GARRE1: variants seen among roughly 807,000 people sequenced by gnomAD.
The protein encoded by GARRE1 is granule associated Rac and RHOG effector 1.
Under a neutral mutation model 103.2 loss-of-function variants are expected in GARRE1, and 49 were observed. The ratio of observed to expected loss-of-function variants is 0.47; its 90% CI spans 0.38 to 0.60. The LOEUF (loss-of-function observed/expected upper bound fraction) is 0.60, where lower values mean the gene tolerates loss of function less well. Ranked by LOEUF, GARRE1 falls within the 20% of genes least tolerant of loss-of-function variation. The probability of loss-of-function intolerance (pLI) is 0.00; values close to 1 mark genes in which losing one functional copy is unlikely to be tolerated. For synonymous variants in GARRE1, 505 were observed against 532.8 expected, an observed-to-expected ratio of 0.95 and a Z score of 0.72; for missense variants, 1,199 against 1,370.5, an observed-to-expected ratio of 0.87 and a Z score of 1.98.
intron 1 of GARRE1, among the ~76,000 whole-genome samples, chr19:34,291,276 G>A (rs562891461): frequency 5.3e-5 from 8 of 152,166 alleles, no homozygotes; most frequent in South Asian, 2.1e-4. Context: ...CAGGAACCAC[G>A]TGCACACTTT....
chr19:34,262,346 A>T (rs965017285), intron 1 of GARRE1, among the ~76,000 whole-genome samples: 1 of 125,452 alleles, frequency 8.0e-6, no homozygotes, highest in African/African-American at 3.2e-5. Context: ...CCCAGGCTGG[A>T]ATGCAGTAGT....
At chr19:34,269,623 CA>C (rs1309236311) in intron 1 of GARRE1, among the ~76,000 whole-genome samples, 8 of 152,180 alleles carry the variant, frequency 5.3e-5, no homozygotes. Context: ...AGTGCAGTGG[CA>C]TGATCATAGC....
intron 1 of GARRE1, among the ~76,000 whole-genome samples, chr19:34,294,288 G>A (rs2073934886): frequency 6.6e-6 from 1 of 151,870 alleles, no homozygotes; most frequent in Non-Finnish European, 1.5e-5. Flanking sequence ...GGTGGGCATG[G>A]TGGTGCATGC....
chr19:34,342,745 C>G (rs1237338449), intron 10 of GARRE1, among the ~76,000 whole-genome samples: 4 of 152,110 alleles, frequency 2.6e-5, no homozygotes, highest in Non-Finnish European at 5.9e-5. Flanking sequence ...TTCAAGTAGG[C>G]TCCAGTCTAG....
intron 3 of GARRE1, among the ~76,000 whole-genome samples, chr19:34,321,223 ATTTTTTT>A (rs71165648): frequency 2.1e-3 from 160 of 77,374 alleles, no homozygotes; most frequent in East Asian, 0.013. Flanking sequence ...AGCCCGGCTA[ATTTTTTT>A]TTTTTTTTTT....
chr19:34,333,697 A>AGG lies in GARRE1; in HGVS notation c.1264-7_1264-6insGG. ...TATTTGTTTTTTTTTTTTTTTTTCG[A>AGG]TCTTAGGTGGTGGTTGACACAGCAC... On this transcript the variant is annotated splice_region_variant and splice_polypyrimidine_tract_variant and intron_variant, in intron 7 of 13. Coordinates refer to ENST00000299505, the MANE Select transcript of GARRE1 (RefSeq NM_014686.5). The AGG allele has an allele frequency of 1.4e-6, 1 of 697,448 alleles. No homozygotes were observed. Among genetic ancestry groups the AGG allele is most frequent in the Non-Finnish European group, 2.2e-6 (1 of 460,220 alleles). The allele number at this position is 697,448 out of a possible 1,614,324, so 43.2% of individuals were successfully genotyped here.
At chr19:34,278,884 C>T (rs988822382) in intron 1 of GARRE1, among the ~76,000 whole-genome samples, 1 of 152,106 alleles carries the variant, frequency 6.6e-6, no homozygotes, top group African/African-American at 2.4e-5. Flanking sequence ...GTTGCCCAGG[C>T]TAGTCTCAAA....
At chr19:34,317,005 C>G (rs1038796000) in intron 2 of GARRE1, among the ~76,000 whole-genome samples, 2 of 152,234 alleles carry the variant, frequency 1.3e-5, no homozygotes, top group Admixed American at 6.5e-5. Flanking sequence ...ACCTCATTCT[C>G]CCCAGGGGTG....
intron 1 of GARRE1, among the ~76,000 whole-genome samples, chr19:34,284,677 G>C (rs2073875756): frequency 6.6e-6 from 1 of 152,074 alleles, no homozygotes; most frequent in African/African-American, 2.4e-5. Context: ...TAACTTCTGA[G>C]GTCTTTCACA....
At chr19:34,347,851 C>A in intron 10 of GARRE1, 26 bp from the exon 11 acceptor site, 1 of 1,487,856 alleles carries the variant, frequency 6.7e-7, no homozygotes, top group Non-Finnish European at 9.0e-7. Flanking sequence ...TCCCCAAACC[C>A]GGTTTATTCC....
chr19:34,257,256 A>G (rs1185318567), intron 1 of GARRE1, among the ~76,000 whole-genome samples: 3 of 151,938 alleles, frequency 2.0e-5, no homozygotes, highest in Non-Finnish European at 4.4e-5. Context: ...ATCAGGATCC[A>G]TGTGTCAAGT....
chr19:34,303,597 G>T (rs1378476721), intron 2 of GARRE1, among the ~76,000 whole-genome samples: 1 of 152,194 alleles, frequency 6.6e-6, no homozygotes, highest in African/African-American at 2.4e-5. Context: ...ACCACATGTG[G>T]TCTCTCTCAC....
At chr19:34,352,580 T>C in intron 13 of GARRE1, 67 bp from the exon 14 acceptor site, 3 of 1,353,940 alleles carry the variant, frequency 2.2e-6, no homozygotes, top group Admixed American at 3.5e-5. Flanking sequence ...GGGCCAGGCA[T>C]CTGGGGAGGT....
chr19:34,296,624 G>C, intron 1 of GARRE1: 1 of 1,241,800 alleles, frequency 8.1e-7, no homozygotes, highest in Non-Finnish European at 1.2e-6. Flanking sequence ...TGTTCCTCAG[G>C]AACCTGGGGT....
Position 34,341,459 on chromosome 19 carries a change from A to G in GARRE1, c.1525A>G (p.Arg509Gly), listed in dbSNP as rs1216947905. Residue 509 changes from arginine (R) to glycine (G), a missense_variant, in exon 10 of 14, where the codon AGG (arginine) becomes GGG (glycine). Transcript: ENST00000299505. ...ALPCIQIQLQ[R>G]EICDFGNQAD... Reference sequence around the variant, plus strand: ...ACCCTGCATACAGATCCAGCTGCAAAGGGAGATCTGTGATTTTGGCAACCA... The same window carrying G: ...ACCCTGCATACAGATCCAGCTGCAAGGGGAGATCTGTGATTTTGGCAACCA... 6.2e-7 allele frequency: 1 copy of G among 1,613,986 alleles called. No individual in the cohort carries two copies. Among genetic ancestry groups the G allele is most frequent in the African/African-American group, 1.3e-5 (1 of 74,974 alleles).
chr19:34,328,305 G>A lies in GARRE1; in HGVS notation c.1104+154G>A, dbSNP rs1054976256. Among the ~76,000 whole-genome samples, 5 of 151,974 alleles carry A rather than the reference G, an allele frequency of 3.3e-5. No homozygotes were observed. The East Asian group carries it at 5.8e-4, about 18-fold the overall frequency. ...AATCCTAGCACTTTGGGAGGCGGGC[G>A]GATCACCTGAGGTCAGGAGTTTGAG... is the stretch of plus-strand genomic sequence containing the variant. On this transcript the variant is annotated intron_variant, in intron 6 of 13. Coordinates refer to ENST00000299505, the MANE Select transcript of GARRE1 (RefSeq NM_014686.5).
Position 34,320,107 on chromosome 19 carries a change from G to T in GARRE1, c.696G>T (p.Gly232=), listed in dbSNP as rs779079796. 2.5e-6 allele frequency: 4 copies of T among 1,613,706 alleles called. No homozygotes were observed. In the South Asian group the frequency reaches 4.4e-5, roughly 18 times the overall value. Residue 232 remains glycine, a synonymous_variant, in exon 3 of 14, where the codon GGG becomes GGT. Coordinates refer to ENST00000299505, the MANE Select transcript of GARRE1 (RefSeq NM_014686.5). ...AGGAAGCTGTGCGGTCCTGGCGGGGGGCTGCTGAGGTAACCCTGGCTTTGG... is the reference window on the plus strand; with the variant it reads ...AGGAAGCTGTGCGGTCCTGGCGGGGTGCTGCTGAGGTAACCCTGGCTTTGG... ...EVEEAVRSWR[G]AAEATSRLRE... is the part of the protein sequence containing the mutation.
intron 2 of GARRE1, among the ~76,000 whole-genome samples, chr19:34,303,327 G>T (rs188941347): frequency 2.3e-4 from 35 of 152,258 alleles, no homozygotes; most frequent in Middle Eastern, 6.8e-3. Context: ...CCCATCCTGG[G>T]GTTAAGATCA....
chr19:34,291,097 G>A (rs988415450), intron 1 of GARRE1, among the ~76,000 whole-genome samples: 5 of 151,514 alleles, frequency 3.3e-5, no homozygotes, highest in East Asian at 2.0e-4. Context: ...TAGTAGATAC[G>A]AGCTTTCACC....
Sources: allele counts gnomAD v4.1 joint callset (sites outside exome capture counted in the v4.1 genomes callset), GRCh38; gene constraint gnomAD v4.1.1; transcripts MANE v1.5; gene names NCBI Gene and HGNC (gene_info 2026-07-23, HGNC 2026-07-21).